The following BLVRA variants were observed in gnomAD, a reference collection of about 807,000 sequenced individuals.
The protein encoded by BLVRA is BVR A.
Under a neutral mutation model 32.8 loss-of-function variants are expected in BLVRA, and 22 were observed. The ratio of observed to expected loss-of-function variants is 0.67; its 90% confidence interval spans 0.48 to 0.96. BLVRA has a LOEUF of 0.96. Among genes scored for constraint, BLVRA ranks in the 40% least tolerant of loss-of-function variants. The pLI, the probability that BLVRA is intolerant of heterozygous loss-of-function variation, is 0.00. For synonymous variants in BLVRA, 119 were observed against 141.3 expected, an observed-to-expected ratio of 0.84 and a Z score of 1.12; for missense variants, 323 against 358.1, an observed-to-expected ratio of 0.90 and a Z score of 0.79.
intron 1 of BLVRA, among the ~76,000 whole-genome samples, chr7:43,768,715 A>G (rs1455082927): frequency 6.6e-6 from 1 of 151,952 alleles, no homozygotes; most frequent in Non-Finnish European, 1.5e-5. Flanking sequence ...GGGAGACTTG[A>G]ATGAAAGTTC....
intron 5 of BLVRA, among the ~76,000 whole-genome samples, chr7:43,796,679 C>CA (rs2095793227): frequency 6.6e-6 from 1 of 151,880 alleles, no homozygotes; most frequent in Non-Finnish European, 1.5e-5. Context: ...AAAACACAGG[C>CA]AAAAAAAGCA....
At position 43,792,769 on chromosome 7, in the gene BLVRA, A is replaced by G; in HGVS notation, c.309A>G (p.Ser103=). Residue 103 remains serine (S), a synonymous_variant, in exon 5 of 8, where the codon TCA becomes TCG. Coordinates refer to ENST00000265523, the MANE Select transcript of BLVRA (RefSeq NM_000712.4). ...HVLVEYPMTL[S]LAAAQELWEL... The stretch of plus-strand genomic sequence containing the variant: ...TTGTGGAATACCCCATGACACTGTC[A>G]TTGGCGGCCGCTCAGGAACTGTGGG... 6.2e-7 allele frequency: 1 copy of G among 1,614,222 alleles called. No homozygotes were observed. The highest frequency in any genetic ancestry group is 8.5e-7 in the Non-Finnish European group (1 of 1,180,026).
At chr7:43,769,965 C>T (rs1004768403) in intron 1 of BLVRA, among the ~76,000 whole-genome samples, 5 of 152,198 alleles carry the variant, frequency 3.3e-5, no homozygotes, top group African/African-American at 4.8e-5. Flanking sequence ...CCCCCTTCCC[C>T]GGGTAGTCTT....
intron 7 of BLVRA, 149 bp from the exon 8 acceptor site, chr7:43,806,828 C>A: frequency 1.2e-6 from 1 of 811,168 alleles, no homozygotes; most frequent in Non-Finnish European, 2.1e-6. Flanking sequence ...GAGGTTGACA[C>A]AGTCACCCAC....
At chr7:43,771,914 A>G (rs1201442738) in intron 2 of BLVRA, among the ~76,000 whole-genome samples, 1 of 152,152 alleles carries the variant, frequency 6.6e-6, no homozygotes, top group Non-Finnish European at 1.5e-5. Context: ...GTCCTCCTCG[A>G]AGGTCCCCCT....
chr7:43,781,765 TAAC>T (rs1373165741), intron 2 of BLVRA, among the ~76,000 whole-genome samples: 1 of 152,234 alleles, frequency 6.6e-6, no homozygotes, highest in African/African-American at 2.4e-5. Context: ...CATTTAGTCC[TAAC>T]AAAAGGCCTA....
At chr7:43,766,734 A>G (rs1046196842) in intron 1 of BLVRA, among the ~76,000 whole-genome samples, 4 of 152,184 alleles carry the variant, frequency 2.6e-5, no homozygotes, top group African/African-American at 9.7e-5. Flanking sequence ...CAGCACAGAA[A>G]GGATCTGTCT....
At chr7:43,786,014 G>T (rs2095777055) in intron 2 of BLVRA, among the ~76,000 whole-genome samples, 1 of 152,114 alleles carries the variant, frequency 6.6e-6, no homozygotes, top group Non-Finnish European at 1.5e-5. Context: ...GATTTCTATA[G>T]AATTTGAATG....
At chr7:43,785,943 CTAAT>C (rs1184490187) in intron 2 of BLVRA, among the ~76,000 whole-genome samples, 2 of 151,952 alleles carry the variant, frequency 1.3e-5, no homozygotes, top group South Asian at 2.1e-4. Flanking sequence ...AATAAATATT[CTAAT>C]TAATCCAAAA....
At position 43,797,003 on chromosome 7, in the gene BLVRA, C is replaced by A. The variant is rs187026572; in HGVS notation, c.353-3462C>A. On this transcript the variant is annotated intron_variant, in intron 5 of 7. Transcript: ENST00000265523. ...AAAATGCAAATCAAATCCACAGCCA[C>A]CGTCAGTAACCACCAGCATCAGTCA... Among the ~76,000 whole-genome samples the A allele has an allele frequency of 2.6e-5, 4 of 152,356 alleles. 1 individual carries two copies. Among genetic ancestry groups the A allele is most frequent in the African/African-American group, 9.6e-5 (4 of 41,582 alleles).
chr7:43,775,720 A>G (rs1024304798), intron 2 of BLVRA, among the ~76,000 whole-genome samples: 3 of 152,208 alleles, frequency 2.0e-5, no homozygotes, highest in Non-Finnish European at 2.9e-5. Context: ...GAATGGTACC[A>G]GCTCCTCCTT....
intron 2 of BLVRA, among the ~76,000 whole-genome samples, chr7:43,786,918 A>T (rs929134304): frequency 5.4e-5 from 8 of 149,496 alleles, no homozygotes; most frequent in African/African-American, 1.9e-4. Context: ...TAAGGGATGC[A>T]TGGAGATAAT....
intron 5 of BLVRA, 112 bp from the exon 6 acceptor site, chr7:43,800,351 AGG>A (rs1174008545): frequency 1.0e-6 from 1 of 990,370 alleles, no homozygotes; most frequent in Non-Finnish European, 1.6e-6. Flanking sequence ...CCATGTGCCC[AGG>A]GCAGTTATGA....
chr7:43,773,917 T>TC (rs1200599330), intron 2 of BLVRA, among the ~76,000 whole-genome samples: 11 of 152,272 alleles, frequency 7.2e-5, no homozygotes, highest in African/African-American at 2.2e-4. Context: ...TCATGTGTTT[T>TC]TTGGCTACAT....
chr7:43,792,820 A>G lies in BLVRA; in HGVS notation c.352+8A>G, dbSNP rs2095787723. ...AGCTGGCTGAGCAGAAAGGTAATGT[A>G]TCTTACCAAGAGTTTCTGCCTCCAG... On this transcript the variant is annotated splice_region_variant and intron_variant, in intron 5 of 7. Coordinates refer to ENST00000265523, the MANE Select transcript of BLVRA (RefSeq NM_000712.4). The G allele has an allele frequency of 6.2e-7, 1 of 1,613,258 alleles. No homozygotes were observed. Among genetic ancestry groups the G allele is most frequent in the Admixed American group, 1.7e-5 (1 of 59,962 alleles).
intron 2 of BLVRA, among the ~76,000 whole-genome samples, chr7:43,776,430 G>C (rs1283149330): frequency 6.6e-6 from 1 of 152,184 alleles, no homozygotes; most frequent in African/African-American, 2.4e-5. Flanking sequence ...TGGTTGTTCA[G>C]TTTCCATGTA....
intron 2 of BLVRA, among the ~76,000 whole-genome samples, chr7:43,773,989 T>A (rs1380298284): frequency 2.0e-5 from 3 of 152,224 alleles, no homozygotes; most frequent in Admixed American, 2.0e-4. Context: ...TGGGGTTGTT[T>A]GTTTTTTTCT....
chr7:43,805,278 CTCTCT>C (rs371927350), intron 7 of BLVRA, among the ~76,000 whole-genome samples: 1,852 of 113,720 alleles, frequency 0.016, 19 homozygotes, highest in Non-Finnish European at 0.024. Flanking sequence ...CTGACTCTCT[CTCTCT>C]TTTTTTTTTT....
At chr7:43,793,238 A>T (rs957728025) in intron 5 of BLVRA, among the ~76,000 whole-genome samples, 2 of 151,908 alleles carry the variant, frequency 1.3e-5, no homozygotes, top group South Asian at 4.1e-4. Context: ...AATATTTAGT[A>T]TATGCTAGGA....
Sources: allele counts gnomAD v4.1 joint callset (sites outside exome capture counted in the v4.1 genomes callset), GRCh38; gene constraint gnomAD v4.1.1; transcripts MANE v1.5; gene names NCBI Gene and HGNC (gene_info 2026-07-23, HGNC 2026-07-21).